SI: variants seen among roughly 807,000 people sequenced by gnomAD.
SI encodes the protein sucrase-isomaltase, intestinal.
In SI, 235 loss-of-function variants were observed where a neutral mutation model predicts 253.3. The observed-to-expected ratio is 0.93, with a 90% CI of 0.83 to 1.03. The LOEUF is 1.03. Ranked by LOEUF, SI falls within the 50% of genes least tolerant of loss-of-function variation. The pLI is 0.00. For missense variants in SI, 2,442 were observed against 2,211.1 expected (o/e 1.10, Z -2.09); for synonymous variants, 819 against 712.0 (o/e 1.15, Z -2.39).
chr3:165,052,441 A>T (rs2108237590), intron 13 of SI, among the ~76,000 whole-genome samples: 1 of 152,276 alleles, frequency 6.6e-6, no homozygotes, highest in East Asian at 1.9e-4. Context: ...GGATCATTTG[A>T]GTCCAGGAGT....
rs115605409 is a variant in SI, at chr3:165,051,383, G to A, written c.1513-1508C>T. ...GTTTTCAGAGTAAGCAGAAATGAGA[G>A]AAATTAATATAGTTATTCCAAAGTA... On this transcript the variant is annotated intron_variant, in intron 13 of 47. Transcript: ENST00000264382. Among the ~76,000 whole-genome samples, 663 of 152,146 alleles carry A rather than the reference G, an allele frequency of 4.4e-3. 3 individuals carry two copies. The highest frequency in any genetic ancestry group is 0.015 in the African/African-American group (620 of 41,558).
At position 165,015,357 on chromosome 3, in the gene SI, C is replaced by A. The variant is rs1158162742; in HGVS notation, c.3889-124G>T. 3 of 711,708 alleles carry A rather than the reference C, an allele frequency of 4.2e-6. No homozygotes were observed. In the East Asian group the frequency reaches 8.2e-5, roughly 19 times the overall value. The allele number at this position is 711,708 out of a possible 1,614,324, so 44.1% of individuals were successfully genotyped here. A position where few individuals can be genotyped will look rare whatever the true frequency, so the allele number is the denominator to read the frequency against. On this transcript the variant is annotated intron_variant, in intron 32 of 47. Transcript: ENST00000264382. ...AATAATGTGCTCTCACATTAAATGA[C>A]AAATGATACAAACATCAGTGTTCTA...
Position 165,030,725 on chromosome 3 carries a change from C to T in SI, c.2879G>A (p.Cys960Tyr). ...AATTATTATTACCGTTCTCCATACACAGCCACGTTGTGTGCACTTTTGTTC... is the reference window on the plus strand; with the variant it reads ...AATTATTATTACCGTTCTCCATACATAGCCACGTTGTGTGCACTTTTGTTC... ...ATEQKCTQRG[C>Y]VWRTGSSLSK... The change falls in exon 25 of 48, where the codon TGT becomes TAT. Residue 960 changes from cysteine to tyrosine, a missense_variant. Coordinates refer to ENST00000264382, the MANE Select transcript of SI (RefSeq NM_001041.4). The T allele has an allele frequency of 6.2e-7, 1 of 1,608,528 alleles. No homozygotes were observed. Among genetic ancestry groups the T allele is most frequent in the South Asian group, 1.1e-5 (1 of 90,880 alleles).
At chr3:165,007,029 T>C (rs545316449) in intron 36 of SI, 75 bp from the exon 37 acceptor site, 1 of 1,064,900 alleles carries the variant, frequency 9.4e-7, no homozygotes, top group Admixed American at 2.0e-5. Flanking sequence ...CATAATTATG[T>C]ATTCCTTGAC....
intron 37 of SI, among the ~76,000 whole-genome samples, chr3:164,999,859 T>A (rs1718181819): frequency 6.6e-6 from 1 of 151,680 alleles, no homozygotes; most frequent in South Asian, 2.1e-4. Context: ...AAGGCAATAT[T>A]GTGTTAGTTA....
upstream of SI, among the ~76,000 whole-genome samples, chr3:165,083,425 T>C (rs527911338): frequency 2.6e-5 from 4 of 152,110 alleles, no homozygotes; most frequent in South Asian, 8.3e-4. Flanking sequence ...TTTGACTATG[T>C]ATTTCCTTGG....
rs770598306 is a variant in SI, at chr3:165,067,410, A to G, written c.565T>C (p.Leu189=). ...EFTGPTVSDT[L]YDVKVAQNPF... ...TTTTGGGCAACCTTCACATCATACA[A>G]CGTATCAGAAACTGTGGGTCCAGTA... The change falls in exon 6 of 48, where the codon TTG becomes CTG. Residue 189 remains leucine (L), a synonymous_variant. Coordinates refer to ENST00000264382, the MANE Select transcript of SI (RefSeq NM_001041.4). The G allele has an allele frequency of 6.2e-7, 1 of 1,612,488 alleles. No individual in the cohort carries two copies. Among genetic ancestry groups the G allele is most frequent in the Non-Finnish European group, 8.5e-7 (1 of 1,178,780 alleles).
At chr3:165,001,753 T>A (rs1718265436) in intron 37 of SI, among the ~76,000 whole-genome samples, 1 of 151,444 alleles carries the variant, frequency 6.6e-6, no homozygotes, top group African/African-American at 2.4e-5. Context: ...ACTTCTAAAT[T>A]AGTGAATGAG....
chr3:165,040,808 A>C, intron 18 of SI, 132 bp downstream of exon 18: 1 of 693,024 alleles, frequency 1.4e-6, no homozygotes, highest in Non-Finnish European at 2.5e-6. Flanking sequence ...AGCTCTTCAA[A>C]TCATTTACAC....
intron 33 of SI, 37 bp from the exon 34 acceptor site, chr3:165,013,079 A>G (rs374899338): frequency 6.2e-6 from 8 of 1,295,306 alleles, no homozygotes; most frequent in South Asian, 1.2e-5. Flanking sequence ...TGATCAAAAC[A>G]TAGTCAGCAT....
chr3:165,039,827 T>C, intron 19 of SI, 60 bp downstream of exon 19: 1 of 1,112,058 alleles, frequency 9.0e-7, no homozygotes, highest in South Asian at 1.2e-5. Flanking sequence ...TTTTGTAATG[T>C]AGGGTCGATT....
At position 165,009,383 on chromosome 3, in the gene SI, G is replaced by A. The variant is rs1298384483; in HGVS notation, c.4075C>T (p.His1359Tyr). 1.2e-6 allele frequency: 2 copies of A among 1,612,744 alleles called. No individual in the cohort carries two copies. The highest frequency in any genetic ancestry group is 8.5e-7 in the Non-Finnish European group (1 of 1,178,910). ...EDEAVNASRA[H>Y]VAFPDFFRTS... is the part of the protein sequence containing the mutation. ...CTGAAGAAATCTGGGAAAGCTACAT[G>A]AGCTCTGGAAGCCTGTAAAACCAAA... The change falls in exon 35 of 48, where the codon CAT becomes TAT. Residue 1359 changes from histidine (H) to tyrosine (Y), a missense_variant. His to Tyr is a moderately conservative substitution (Grantham distance 83, BLOSUM62 2). Coordinates refer to ENST00000264382, the MANE Select transcript of SI (RefSeq NM_001041.4).
rs185829438 is a variant in SI at position 165,069,927 on chromosome 3, G to A, written c.256-732C>T. Among the ~76,000 whole-genome samples the A allele has an allele frequency of 8.5e-3, 1,287 of 150,946 alleles. 14 individuals carry two copies. The highest frequency in any genetic ancestry group is 0.015 in the Non-Finnish European group (1,008 of 67,714). On this transcript the variant is annotated intron_variant, in intron 3 of 47. Transcript: ENST00000264382. ...ACTTTCATAATTTGAAAAATTGTAG[G>A]ATTTTCCCCTTTGCTTACTTTCCAT...
chr3:165,055,436 CAT>C (rs1175902851), intron 12 of SI, 129 bp from the exon 13 acceptor site: 9 of 561,040 alleles, frequency 1.6e-5, no homozygotes, highest in Admixed American at 3.1e-5. Context: ...ATATGTGACT[CAT>C]ATATAAATTT....
At chr3:165,045,039 T>C (rs1275657090) in intron 16 of SI, among the ~76,000 whole-genome samples, 2 of 152,100 alleles carry the variant, frequency 1.3e-5, no homozygotes, top group Admixed American at 1.3e-4. Flanking sequence ...TATACATGCA[T>C]GGGCCTGTGT....
rs1419721085 is a variant in SI at position 164,987,193 on chromosome 3, T to C, written c.5142A>G (p.Ala1714=). ...RQKHMKLIVA[A]DDNQMAQGSL... is the part of the protein sequence containing the mutation. ...AACCCTGTGCCATCTGATTATCATC[T>C]GCAGCAACAATGAGCTTCATGTGTT... Residue 1714 remains alanine, a synonymous_variant, in exon 45 of 48, where the codon GCA becomes GCG. Transcript: ENST00000264382. The C allele has an allele frequency of 1.2e-6, 2 of 1,613,646 alleles. No individual in the cohort carries two copies. The highest frequency in any genetic ancestry group is 1.7e-6 in the Non-Finnish European group (2 of 1,179,786).
chr3:165,037,802 G>T, intron 21 of SI, 98 bp downstream of exon 21: 2 of 853,908 alleles, frequency 2.3e-6, no homozygotes, highest in Non-Finnish European at 3.8e-6. Flanking sequence ...ATATCTTCTG[G>T]TGCAGAAACT....
chr3:165,027,950 G>C (rs1226922049), intron 25 of SI, among the ~76,000 whole-genome samples: 2 of 151,268 alleles, frequency 1.3e-5, no homozygotes, highest in Non-Finnish European at 3.0e-5. Flanking sequence ...AATCAGACAA[G>C]AGAAAGAAAA....
Position 165,016,201 on chromosome 3 carries a change from C to T in SI, c.3760-121G>A, listed in dbSNP as rs368399315. The T allele has an allele frequency of 1.9e-4, 162 of 841,994 alleles. No individual in the cohort carries two copies. In the African/African-American group the frequency reaches 2.6e-3, roughly 13 times the overall value. 52.2% of individuals were successfully genotyped at this position (841,994 alleles called of 1,614,324 possible). A position where few individuals can be genotyped will look rare whatever the true frequency, so the allele number is the denominator to read the frequency against. On this transcript the variant is annotated intron_variant, in intron 31 of 47. Coordinates refer to ENST00000264382, the MANE Select transcript of SI (RefSeq NM_001041.4). The stretch of plus-strand genomic sequence containing the variant: ...AGTTTGAGTTCCTCTTCACTAGATC[C>T]TAAAAAGAATTAAATGGTTTAGTGT...
Sources: gnomAD v4.1 joint callset for allele counts (sites outside exome capture counted in the v4.1 genomes callset) on GRCh38, gnomAD v4.1.1 for gene constraint, MANE v1.5 for transcripts, NCBI Gene and HGNC (gene_info 2026-07-23, HGNC 2026-07-21) for gene names.